TPD52: variants seen among roughly 807,000 people sequenced by gnomAD.
The protein encoded by TPD52 is tumor protein D52.
Under a neutral mutation model 31.3 loss-of-function variants are expected in TPD52, and 17 were observed. That is an observed-to-expected ratio of 0.54 (90% confidence interval 0.37 to 0.82). TPD52 has a LOEUF of 0.82. Among genes scored for constraint, TPD52 ranks in the 40% least tolerant of loss-of-function variants. The pLI is 0.00. For missense variants in TPD52, 212 were observed against 240.1 expected (o/e 0.88, Z 0.77); for synonymous variants, 83 against 89.6 (o/e 0.93, Z 0.42).
chr8:80,080,010 C>T (rs1586252116), intron 1 of TPD52, among the ~76,000 whole-genome samples: 2 of 152,290 alleles, frequency 1.3e-5, no homozygotes, highest in East Asian at 3.9e-4. Context: ...ACTTCAGATT[C>T]CTCCTTTTTT....
intron 7 of TPD52, 103 bp downstream of exon 7, chr8:80,042,513 TTAGA>T (rs1810485825): frequency 6.6e-7 from 1 of 1,510,590 alleles, no homozygotes; most frequent in African/African-American, 1.4e-5. Context: ...TTTACATTCT[TTAGA>T]TATTTTTAGA....
Position 80,053,281 on chromosome 8 carries a change from C to T in TPD52, c.284+1G>A, listed in dbSNP as rs780374775. ...GAAAGTGTATGATCAAGGAAACATA[C>T]GCAGATGTTGCTGTCACGTCTTGCC... is the stretch of plus-strand genomic sequence containing the variant. On this transcript the variant is annotated splice_donor_variant, in intron 3 of 7. Transcript: ENST00000518937. LOFTEE classifies it high-confidence loss of function. 7.4e-6 allele frequency: 12 copies of T among 1,612,932 alleles called. No individual in the cohort carries two copies. Among genetic ancestry groups the T allele is most frequent in the East Asian group, 4.5e-5 (2 of 44,876 alleles).
chr8:80,163,449 CA>C (rs111695616), intron 1 of TPD52, among the ~76,000 whole-genome samples: 146 of 152,112 alleles, frequency 9.6e-4, no homozygotes, highest in African/African-American at 3.3e-3. Flanking sequence ...TGACTGTTAC[CA>C]GGGGTAGGGG....
chr8:80,096,337 TGGG>T (rs1370206832), intron 1 of TPD52, among the ~76,000 whole-genome samples: 14 of 151,510 alleles, frequency 9.2e-5, no homozygotes, highest in African/African-American at 3.4e-4. Context: ...CTAGTCTGCC[TGGG>T]GTAAAATACT....
At chr8:80,067,044 G>A (rs1813234053) in intron 1 of TPD52, 1 of 152,178 alleles carries the variant, frequency 6.6e-6, no homozygotes, top group Admixed American at 6.5e-5. Context: ...GATACACACT[G>A]TTTTGCAAAT....
intron 1 of TPD52, among the ~76,000 whole-genome samples, chr8:80,103,075 T>C (rs1331622535): frequency 6.6e-6 from 1 of 152,152 alleles, no homozygotes; most frequent in Non-Finnish European, 1.5e-5. Context: ...TCCTCTGGCA[T>C]ATCCTTTTTA....
chr8:80,031,299 TAAG>T (rs1263204536), downstream of TPD52, among the ~76,000 whole-genome samples: 5 of 152,216 alleles, frequency 3.3e-5, no homozygotes, highest in Admixed American at 1.3e-4. Context: ...CAGATAGTGT[TAAG>T]AACACGAAGT....
At chr8:80,104,904 A>G (rs1286924091) in intron 1 of TPD52, among the ~76,000 whole-genome samples, 1 of 152,054 alleles carries the variant, frequency 6.6e-6, no homozygotes, top group Non-Finnish European at 1.5e-5. Context: ...CACTAAAAAT[A>G]CAAAAATTAG....
At chr8:80,139,523 A>G (rs1324003951) in intron 1 of TPD52, among the ~76,000 whole-genome samples, 1 of 152,032 alleles carries the variant, frequency 6.6e-6, no homozygotes, top group East Asian at 1.9e-4. Context: ...AGATTAATAC[A>G]GTTAATAATT....
intron 1 of TPD52, among the ~76,000 whole-genome samples, chr8:80,163,257 T>C (rs1811481005): frequency 6.6e-6 from 1 of 152,092 alleles, no homozygotes; most frequent in Non-Finnish European, 1.5e-5. Flanking sequence ...ATAAAGAAAA[T>C]GTAGTACATA....
intron 5 of TPD52, among the ~76,000 whole-genome samples, chr8:80,046,891 T>C (rs1810913886): frequency 1.3e-5 from 2 of 152,182 alleles, no homozygotes; most frequent in Admixed American, 6.5e-5. Context: ...GATGCTTTCA[T>C]GCTCAATAAT....
intron 1 of TPD52, chr8:80,080,873 A>G (rs1458767957): frequency 1.4e-5 from 8 of 561,500 alleles, no homozygotes; most frequent in Non-Finnish European, 1.6e-5. Context: ...TAAAATAAAT[A>G]AATAAAAAAA....
At chr8:80,094,472 ATATATATATATATG>A (rs1816569658) in intron 1 of TPD52, among the ~76,000 whole-genome samples, 1 of 104,910 alleles carries the variant, frequency 9.5e-6, no homozygotes, top group African/African-American at 3.5e-5. Flanking sequence ...ATATATATAT[ATATATATATATATG>A]TATGTATATA....
intron 2 of TPD52, among the ~76,000 whole-genome samples, chr8:80,059,446 A>C (rs1812259093): frequency 2.8e-5 from 3 of 107,796 alleles, no homozygotes. Context: ...GGGAATAAGG[A>C]AGAGATTAGA....
intron 2 of TPD52, among the ~76,000 whole-genome samples, chr8:80,055,149 T>G (rs751224019): frequency 6.6e-6 from 1 of 152,158 alleles, no homozygotes; most frequent in East Asian, 1.9e-4. Flanking sequence ...TAGACTTAAA[T>G]GGTAAGTTTC....
chr8:80,069,776 C>T (rs1813565416), intron 1 of TPD52, among the ~76,000 whole-genome samples: 1 of 151,856 alleles, frequency 6.6e-6, no homozygotes, highest in African/African-American at 2.4e-5. Context: ...TGATGAAATA[C>T]AACACTTCAA....
At chr8:80,122,023 G>GGA (rs1808295480) in intron 1 of TPD52, among the ~76,000 whole-genome samples, 1 of 146,100 alleles carries the variant, frequency 6.8e-6, no homozygotes, top group East Asian at 2.0e-4. Flanking sequence ...ACCTTCAAAA[G>GGA]AAAAAAAAAA....
intron 1 of TPD52, among the ~76,000 whole-genome samples, chr8:80,075,280 G>A (rs1814405844): frequency 6.6e-6 from 1 of 152,042 alleles, no homozygotes; most frequent in Admixed American, 6.6e-5. Flanking sequence ...CCTGGCCAAT[G>A]TCTGGGTTAT....
intron 1 of TPD52, among the ~76,000 whole-genome samples, chr8:80,099,800 C>T (rs1204855226): frequency 3.9e-5 from 6 of 152,198 alleles, no homozygotes; most frequent in African/African-American, 1.2e-4. Flanking sequence ...CGTAAGCCAG[C>T]GCGCCCAGCT....
Sources: gnomAD v4.1 joint callset for allele counts (sites outside exome capture counted in the v4.1 genomes callset) on GRCh38, gnomAD v4.1.1 for gene constraint, MANE v1.5 for transcripts, NCBI Gene and HGNC (gene_info 2026-07-23, HGNC 2026-07-21) for gene names.